Variants in SORCS1 observed in about 807,000 individuals in gnomAD.
The protein encoded by SORCS1 is VPS10 domain-containing receptor SorCS1.
Under a neutral mutation model 146.1 loss-of-function variants are expected in SORCS1, and 60 were observed. That is an observed-to-expected ratio of 0.41 (90% CI 0.33 to 0.51). The LOEUF is 0.51. SORCS1 is among the 20% of genes least tolerant of loss of function. The pLI is 0.21. For missense variants in SORCS1, 1,352 were observed against 1,487.6 expected, an observed-to-expected ratio of 0.91 and a Z score of 1.50; for synonymous variants, 637 against 584.0, an observed-to-expected ratio of 1.09 and a Z score of -1.31.
rs1442617559 is a variant in SORCS1, at chr10:107,164,498, G to A, written c.29C>T (p.Ser10Phe). The A allele has an allele frequency of 1.5e-6, 2 of 1,351,518 alleles. No individual in the cohort carries two copies. Among genetic ancestry groups the A allele is most frequent in the Admixed American group, 3.9e-5 (1 of 25,460 alleles). The allele number at this position is 1,351,518 out of a possible 1,614,324, so 83.7% of individuals were successfully genotyped here. MGKVGAGGG[S>F]QARLSALLAG... ...GAGGAGCGCGCTCAGCCGGGCTTGG[G>A]AGCCGCCGCCGGCGCCAACTTTTCC... Residue 10 changes from serine (S) to phenylalanine (F), a missense_variant, in exon 1 of 26, where the codon TCC becomes TTC. Ser to Phe is a radical substitution (Grantham distance 155). Transcript: ENST00000263054. The surrounding 1 kb of genome is among the most constrained non-coding windows in gnomAD (Gnocchi z 6.8).
At chr10:106,583,238 G>GA (rs997505902) in intron 24 of SORCS1, among the ~76,000 whole-genome samples, 3 of 151,862 alleles carry the variant, frequency 2.0e-5, no homozygotes, top group Non-Finnish European at 2.9e-5. Flanking sequence ...TTCTTCTACA[G>GA]AAAAAAAATC....
At chr10:107,108,461 T>A (rs1965454059) in intron 1 of SORCS1, among the ~76,000 whole-genome samples, 1 of 151,840 alleles carries the variant, frequency 6.6e-6, no homozygotes, top group Non-Finnish European at 1.5e-5. Flanking sequence ...AGTGGTGAGG[T>A]GCCACACACT....
intron 1 of SORCS1, among the ~76,000 whole-genome samples, chr10:106,963,003 G>A (rs558279075): frequency 1.3e-5 from 2 of 151,656 alleles, no homozygotes; most frequent in African/African-American, 4.8e-5. Flanking sequence ...CCTGAGGAAA[G>A]CAAATATGGG....
At chr10:107,070,719 C>T (rs961784385) in intron 1 of SORCS1, among the ~76,000 whole-genome samples, 1 of 152,066 alleles carries the variant, frequency 6.6e-6, no homozygotes, top group Admixed American at 6.6e-5. Flanking sequence ...AGCAAAATTT[C>T]ACAGTAAAAT....
At chr10:106,762,552 C>T (rs1206925149) in intron 4 of SORCS1, among the ~76,000 whole-genome samples, 1 of 151,328 alleles carries the variant, frequency 6.6e-6, no homozygotes, top group Non-Finnish European at 1.5e-5. Context: ...GCCACCAAGC[C>T]CGGCTAATTT....
At chr10:107,059,530 TA>T (rs1169422495) in intron 1 of SORCS1, among the ~76,000 whole-genome samples, 2 of 152,254 alleles carry the variant, frequency 1.3e-5, no homozygotes, top group Admixed American at 6.5e-5. Flanking sequence ...ACAATCCCAG[TA>T]AAACAAGAAG....
At chr10:106,699,688 C>T (rs1041474153) in intron 8 of SORCS1, among the ~76,000 whole-genome samples, 7 of 152,038 alleles carry the variant, frequency 4.6e-5, no homozygotes, top group Admixed American at 2.0e-4. Flanking sequence ...ATGTATGATT[C>T]GGAGAATCAA....
chr10:106,710,728 C>T (rs959343235), intron 6 of SORCS1, among the ~76,000 whole-genome samples: 1 of 152,130 alleles, frequency 6.6e-6, no homozygotes, highest in Non-Finnish European at 1.5e-5. Flanking sequence ...AAACTCTCCA[C>T]CACCCACCAT....
At chr10:107,045,713 T>C (rs1365607805) in intron 1 of SORCS1, among the ~76,000 whole-genome samples, 1 of 152,058 alleles carries the variant, frequency 6.6e-6, no homozygotes, top group South Asian at 2.1e-4. Flanking sequence ...GAAAAATGTT[T>C]AAATTAATAA....
intron 1 of SORCS1, among the ~76,000 whole-genome samples, chr10:107,004,353 G>A (rs1957352692): frequency 1.3e-5 from 2 of 152,050 alleles, no homozygotes; most frequent in Admixed American, 6.6e-5. Flanking sequence ...CCAAGACTGG[G>A]TAACTTATAA....
At chr10:106,590,357 G>A (rs968345765) in intron 24 of SORCS1, among the ~76,000 whole-genome samples, 7 of 152,102 alleles carry the variant, frequency 4.6e-5, no homozygotes, top group African/African-American at 1.7e-4. Context: ...GTGAGTGAGG[G>A]CCCTCACTCA....
rs551566101 is a variant in SORCS1 at position 106,722,778 on chromosome 10, C to T, written c.1024+7272G>A. On this transcript the variant is annotated intron_variant, in intron 6 of 25. Coordinates refer to ENST00000263054, the MANE Select transcript of SORCS1 (RefSeq NM_052918.5). ...GCAATAATGGCCAAAGGTGGTACTG[C>T]AGGTTCTCTTACAGATGACCATAAT... 6.4e-4 allele frequency among the ~76,000 whole-genome samples: 98 copies of T among 152,262 alleles called. No homozygotes were observed. In the South Asian group the frequency reaches 7.3e-3, roughly 11 times the overall value.
intron 1 of SORCS1, among the ~76,000 whole-genome samples, chr10:107,115,370 G>T (rs1965956784): frequency 6.6e-6 from 1 of 152,028 alleles, no homozygotes; most frequent in South Asian, 2.1e-4. Context: ...ACAAAGTCAT[G>T]TGATCAAAAC....
chr10:107,053,905 C>T (rs1294181282), intron 1 of SORCS1, among the ~76,000 whole-genome samples: 2 of 152,052 alleles, frequency 1.3e-5, no homozygotes, highest in South Asian at 2.1e-4. Flanking sequence ...ATACAGAGTC[C>T]CTATGGGGGT....
At chr10:106,788,574 C>T (rs193134211) in intron 3 of SORCS1, among the ~76,000 whole-genome samples, 143 of 152,324 alleles carry the variant, frequency 9.4e-4, no homozygotes, top group Non-Finnish European at 1.3e-3. Flanking sequence ...TGAAATCCAG[C>T]GGGGCAATCA....
At chr10:106,912,419 A>G (rs1239501307) in intron 2 of SORCS1, among the ~76,000 whole-genome samples, 1 of 152,088 alleles carries the variant, frequency 6.6e-6, no homozygotes, top group Non-Finnish European at 1.5e-5. Context: ...TTAAAGTGTG[A>G]ATTTCTGATT....
intron 1 of SORCS1, among the ~76,000 whole-genome samples, chr10:106,971,246 C>G (rs1211847822): frequency 6.6e-6 from 1 of 152,170 alleles, no homozygotes; most frequent in East Asian, 1.9e-4. Flanking sequence ...GGCTCCTGTG[C>G]TCATGTTCAA....
At chr10:107,121,494 A>C (rs60593387) in intron 1 of SORCS1, among the ~76,000 whole-genome samples, 1,877 of 152,322 alleles carry the variant, frequency 0.012, 37 homozygotes, top group African/African-American at 0.042. Context: ...TGTTTAAAGG[A>C]AAGTACAACA....
chr10:107,150,488 G>A (rs1208427818), intron 1 of SORCS1, among the ~76,000 whole-genome samples: 2 of 152,208 alleles, frequency 1.3e-5, no homozygotes, highest in Non-Finnish European at 2.9e-5. Flanking sequence ...TGACATGGTT[G>A]GGTGCAAAAT....
Sources: allele counts gnomAD v4.1 joint callset (sites outside exome capture counted in the v4.1 genomes callset), GRCh38; gene constraint gnomAD v4.1.1; non-coding constraint Gnocchi (gnomAD v3.1); transcripts MANE v1.5; gene names NCBI Gene and HGNC (gene_info 2026-07-23, HGNC 2026-07-21).